The following GPR176 variants were observed in gnomAD, a reference collection of about 807,000 sequenced individuals.
The protein encoded by GPR176 is G protein-coupled receptor 176, also known as G-protein coupled receptor 176.
GPR176 carries 26 observed loss-of-function variants against 35.4 expected under a neutral mutation model. The observed-to-expected ratio is 0.74, with a 90% CI of 0.54 to 1.02. The LOEUF is 1.02. GPR176 is among the 50% of genes least tolerant of loss of function. GPR176 has a pLI of 0.00. For missense variants in GPR176, 597 were observed against 665.3 expected (o/e 0.90, Z 1.13); for synonymous variants, 278 against 271.3 (o/e 1.02, Z -0.24).
At position 39,851,580 on chromosome 15, in the gene GPR176, C is replaced by T. The variant is rs561843549; in HGVS notation, c.173-44322G>A. ...CCTGAGACACATGATGAGGGTCTGGCGCTTAAATGAACACATCCAGAACTC... is the reference window on the plus strand; with the variant it reads ...CCTGAGACACATGATGAGGGTCTGGTGCTTAAATGAACACATCCAGAACTC... On this transcript the variant is annotated intron_variant, in intron 1 of 2. Coordinates refer to ENST00000561100, the MANE Select transcript of GPR176 (RefSeq NM_007223.3). Among the ~76,000 whole-genome samples, 8 of 152,228 alleles carry T rather than the reference C, an allele frequency of 5.3e-5. No homozygotes were observed. The East Asian group carries it at 1.5e-3, about 29-fold the overall frequency.
intron 1 of GPR176, among the ~76,000 whole-genome samples, chr15:39,851,525 T>C (rs890707334): frequency 6.6e-6 from 1 of 152,184 alleles, no homozygotes; most frequent in Non-Finnish European, 1.5e-5. Flanking sequence ...TAGTTAGACA[T>C]CACTGAATGA....
chr15:39,864,542 T>C (rs2031746228), intron 1 of GPR176, among the ~76,000 whole-genome samples: 1 of 152,020 alleles, frequency 6.6e-6, no homozygotes, highest in Non-Finnish European at 1.5e-5. Flanking sequence ...ATAAAAATAC[T>C]AGAAGAAAAC....
intron 1 of GPR176, among the ~76,000 whole-genome samples, chr15:39,880,925 C>T (rs112264080): frequency 6.6e-6 from 1 of 152,270 alleles, no homozygotes; most frequent in African/African-American, 2.4e-5. Flanking sequence ...CAGCCTTCAC[C>T]CAGCCCACAG....
At chr15:39,914,904 T>G (rs1284848520) in intron 1 of GPR176, among the ~76,000 whole-genome samples, 1 of 152,224 alleles carries the variant, frequency 6.6e-6, no homozygotes, top group East Asian at 1.9e-4. Context: ...ACCATGAACC[T>G]TGCTGGTACC....
intron 1 of GPR176, among the ~76,000 whole-genome samples, chr15:39,823,942 C>T (rs1900447302): frequency 6.6e-6 from 1 of 152,166 alleles, no homozygotes; most frequent in Non-Finnish European, 1.5e-5. Context: ...GGTTTGGATG[C>T]ATGTCCTCTC....
chr15:39,908,215 C>T (rs1240330514), intron 1 of GPR176, among the ~76,000 whole-genome samples: 5 of 152,296 alleles, frequency 3.3e-5, no homozygotes, highest in African/African-American at 9.6e-5. Context: ...CTCCTCCCAC[C>T]TTCTTCCACT....
Position 39,801,743 on chromosome 15 carries a change from G to A in GPR176, c.937C>T (p.Leu313=). 1.9e-6 allele frequency: 3 copies of A among 1,613,872 alleles called. No homozygotes were observed. Among genetic ancestry groups the A allele is most frequent in the African/African-American group, 1.3e-5 (1 of 75,020 alleles). ...LTAVWLPKVS[L]LANPVLFLTV... is the part of the protein sequence containing the mutation. Reference sequence around the variant, plus strand: ...AGAAAGAGAACAGGGTTTGCCAGCAGGGAGACTTTGGGCAGCCAAACAGCA... The same window carrying A: ...AGAAAGAGAACAGGGTTTGCCAGCAAGGAGACTTTGGGCAGCCAAACAGCA... Residue 313 remains leucine (L), a synonymous_variant, in exon 3 of 3, where the codon CTG becomes TTG. Transcript: ENST00000561100.
At chr15:39,893,719 G>A (rs1328602709) in intron 1 of GPR176, among the ~76,000 whole-genome samples, 1 of 150,972 alleles carries the variant, frequency 6.6e-6, no homozygotes, top group African/African-American at 2.4e-5. Context: ...CGGGGCGGCT[G>A]GCCGGGCGGG....
At chr15:39,831,994 GCACA>G (rs59388406) in intron 1 of GPR176, among the ~76,000 whole-genome samples, 14,511 of 146,748 alleles carry the variant, frequency 0.099, 754 homozygotes, top group African/African-American at 0.15. Context: ...ACATGTGCAT[GCACA>G]CACACACACA....
At chr15:39,841,320 C>T (rs1310016817) in intron 1 of GPR176, among the ~76,000 whole-genome samples, 2 of 138,788 alleles carry the variant, frequency 1.4e-5, no homozygotes, top group Non-Finnish European at 3.1e-5. Flanking sequence ...TGAATTGTGT[C>T]CCCACCCCAC....
intron 1 of GPR176, among the ~76,000 whole-genome samples, chr15:39,820,505 G>T (rs1351951443): frequency 1.3e-5 from 2 of 152,180 alleles, no homozygotes; most frequent in Non-Finnish European, 2.9e-5. Flanking sequence ...TGGCACAATG[G>T]TAGCATGGAA....
intron 1 of GPR176, among the ~76,000 whole-genome samples, chr15:39,854,613 T>C (rs972001448): frequency 2.6e-5 from 4 of 151,930 alleles, no homozygotes; most frequent in Middle Eastern, 3.2e-3. Flanking sequence ...ATACCAAGAG[T>C]TCTGTGATTT....
At chr15:39,892,282 G>A (rs2140860120) in intron 1 of GPR176, among the ~76,000 whole-genome samples, 1 of 152,288 alleles carries the variant, frequency 6.6e-6, no homozygotes, top group African/African-American at 2.4e-5. Flanking sequence ...CAAAGGTAGA[G>A]CCAAGCAGAC....
At chr15:39,901,900 C>A (rs142839111) in intron 1 of GPR176, among the ~76,000 whole-genome samples, 28 of 150,318 alleles carry the variant, frequency 1.9e-4, no homozygotes, top group African/African-American at 6.1e-4. Context: ...ATGTTGAAAG[C>A]CTGTTTCTAC....
At chr15:39,812,560 G>T (rs1595439540) in intron 1 of GPR176, among the ~76,000 whole-genome samples, 1 of 152,120 alleles carries the variant, frequency 6.6e-6, no homozygotes, top group East Asian at 1.9e-4. Flanking sequence ...GAGGTTTTGG[G>T]ACTTGAACTG....
At chr15:39,899,563 G>C (rs1198535899) in intron 1 of GPR176, among the ~76,000 whole-genome samples, 1 of 152,166 alleles carries the variant, frequency 6.6e-6, no homozygotes, top group Non-Finnish European at 1.5e-5. Flanking sequence ...ACAAGGAAAA[G>C]GGGAACAAGA....
At chr15:39,881,597 G>T (rs991539061) in intron 1 of GPR176, among the ~76,000 whole-genome samples, 3 of 152,190 alleles carry the variant, frequency 2.0e-5, no homozygotes, top group African/African-American at 7.2e-5. Flanking sequence ...AAGCAGTACT[G>T]AGTGCAACTG....
chr15:39,879,073 AC>A (rs1027418859), intron 1 of GPR176, among the ~76,000 whole-genome samples: 2 of 152,250 alleles, frequency 1.3e-5, no homozygotes, highest in Non-Finnish European at 2.9e-5. Context: ...CTACAACAGT[AC>A]CGTAAGTGCC....
chr15:39,824,695 C>T (rs1330995678), intron 1 of GPR176, among the ~76,000 whole-genome samples: 3 of 152,084 alleles, frequency 2.0e-5, no homozygotes, highest in Non-Finnish European at 2.9e-5. Flanking sequence ...AATGAAAAAG[C>T]AAATGAACAT....
Sources: allele counts gnomAD v4.1 joint callset (sites outside exome capture counted in the v4.1 genomes callset), GRCh38; gene constraint gnomAD v4.1.1; transcripts MANE v1.5; gene names NCBI Gene and HGNC (gene_info 2026-07-23, HGNC 2026-07-21).